The following ZDHHC1 variants were observed in gnomAD, a reference collection of about 807,000 sequenced individuals.
ZDHHC1 encodes the protein palmitoyltransferase ZDHHC1.
In ZDHHC1, 45 loss-of-function variants were observed where a neutral mutation model predicts 46.9. The ratio of observed to expected loss-of-function variants is 0.96; its 90% CI spans 0.76 to 1.23. The LOEUF (loss-of-function observed/expected upper bound fraction) is 1.23. ZDHHC1 is among the 50% of genes most tolerant of loss of function. The pLI is 0.00. For missense variants in ZDHHC1, 649 were observed against 670.8 expected (o/e 0.97, Z 0.36); for synonymous variants, 291 against 286.0 (o/e 1.02, Z -0.18).
Position 67,394,694 on chromosome 16 carries a change from C to T in ZDHHC1, c.1365G>A (p.Arg455=). 2.3e-6 allele frequency: 3 copies of T among 1,288,874 alleles called. No homozygotes were observed. The highest frequency in any genetic ancestry group is 2.4e-5 in the South Asian group (1 of 40,834). 79.8% of individuals were successfully genotyped at this position (1,288,874 alleles called of 1,614,324 possible). A position where few individuals can be genotyped will look rare whatever the true frequency, so the allele number is the denominator to read the frequency against. Residue 455 remains arginine, a synonymous_variant, in exon 12 of 12, where the codon CGG becomes CGA. Coordinates refer to ENST00000565726, the MANE Select transcript of ZDHHC1 (RefSeq NM_001323627.2). ...CGAAAACGGCGGGCGCACGCGCCTG[C>T]CGCGCCAGCGTGGGCTGTCGGCCCC... is the stretch of plus-strand genomic sequence containing the variant. ...RGRGRQPTLA[R]QARAPAVFVS...
rs745838350 is a variant in ZDHHC1 at position 67,401,040 on chromosome 16, A to C, written c.345T>G (p.Tyr115Ter). 1 of 1,614,038 alleles carries C rather than the reference A, an allele frequency of 6.2e-7. No homozygotes were observed. The highest frequency in any genetic ancestry group is 8.5e-7 in the Non-Finnish European group (1 of 1,180,046). Residue 115 changes from tyrosine (Y) to a stop codon, truncating the protein, a stop_gained, in exon 4 of 12, where the codon TAT becomes TAG. Coordinates refer to ENST00000565726, the MANE Select transcript of ZDHHC1 (RefSeq NM_001323627.2). LOFTEE classifies it high-confidence loss of function. This position sits in a 1 kb window ranked among gnomAD's most constrained non-coding sequence, Gnocchi z 4.6. ...GGTTGAAGATGGGCAGGGGCCCCGC[A>C]TAGCTCTTGTCCCGCACGTTGGCAT... The part of the protein sequence containing the change: ...PADANVRDKS[Y>*]AGPLPIFNRS...
At position 67,416,288 on chromosome 16, in the gene ZDHHC1, G is replaced by T. The variant is rs1191433266; in HGVS notation, c.-156C>A. The T allele has an allele frequency of 6.4e-6, 1 of 156,260 alleles. No homozygotes were observed. Among genetic ancestry groups the T allele is most frequent in the Non-Finnish European group, 1.4e-5 (1 of 69,832 alleles). 9.7% of individuals were successfully genotyped at this position (156,260 alleles called of 1,614,324 possible). A position where few individuals can be genotyped will look rare whatever the true frequency, so the allele number is the denominator to read the frequency against. On this transcript the variant is annotated 5_prime_UTR_variant, in exon 1 of 12. Transcript: ENST00000565726. ...CCGCGCCTCAGACCCTCGCGGTAGG[G>T]ACGGTCCCCGGGACTGGGCGGCAAC...
In ZDHHC1 at chr16:67,394,727, C is replaced by G; in HGVS notation, c.1332G>C (p.Pro444=). The G allele has an allele frequency of 7.2e-7, 1 of 1,384,038 alleles. No individual in the cohort carries two copies. 85.7% of individuals were successfully genotyped at this position (1,384,038 alleles called of 1,614,324 possible). A position where few individuals can be genotyped will look rare whatever the true frequency, so the allele number is the denominator to read the frequency against. The part of the protein sequence containing the change: ...TRLGSAALAA[P]RGRGRQPTLA... ...GCGTGGGCTGTCGGCCCCGGCCCCG[C>G]GGGGCGGCCAGAGCGGCGCTGCCCA... The change falls in exon 12 of 12, where the codon CCG becomes CCC. Residue 444 remains proline (P), a synonymous_variant. Transcript: ENST00000565726.
At chr16:67,399,018 A>G in intron 5 of ZDHHC1, 74 bp from the exon 6 acceptor site, 1 of 1,556,870 alleles carries the variant, frequency 6.4e-7, no homozygotes, top group Non-Finnish European at 8.7e-7. Context: ...TTGGGGCTGT[A>G]GGGTCATTGC....
intron 8 of ZDHHC1, 150 bp from the exon 9 acceptor site, chr16:67,395,716 T>C: frequency 1.3e-6 from 1 of 762,274 alleles, no homozygotes; most frequent in East Asian, 2.7e-5. Context: ...GAAAACCCCA[T>C]CTGTAGGGTA....
intron 1 of ZDHHC1, among the ~76,000 whole-genome samples, chr16:67,408,539 T>C (rs1374376984): frequency 6.6e-6 from 1 of 152,100 alleles, no homozygotes; most frequent in Non-Finnish European, 1.5e-5. Context: ...CAGGCTGGAG[T>C]GCCGTGGCGC....
At chr16:67,400,822 A>C in intron 4 of ZDHHC1, 135 bp downstream of exon 4, 1 of 995,630 alleles carries the variant, frequency 1.0e-6, no homozygotes, top group Non-Finnish European at 1.5e-6. Flanking sequence ...ATACTCTGTC[A>C]CGCCATCAAG....
At chr16:67,394,962 G>C in intron 11 of ZDHHC1, 40 bp downstream of exon 11, 1 of 1,579,490 alleles carries the variant, frequency 6.3e-7, no homozygotes, top group East Asian at 2.3e-5. Flanking sequence ...CCCCTCCCTC[G>C]AGTTCCCAGA....
chr16:67,395,707 A>G, intron 8 of ZDHHC1, 141 bp from the exon 9 acceptor site: 4 of 826,010 alleles, frequency 4.8e-6, no homozygotes, highest in Non-Finnish European at 7.6e-6. Flanking sequence ...CCATGCTGGG[A>G]AAACCCCATC....
Position 67,398,603 on chromosome 16 carries a change from C to T in ZDHHC1, c.784G>A (p.Gly262Arg). 6.2e-7 allele frequency: 1 copy of T among 1,605,000 alleles called. No individual in the cohort carries two copies. The highest frequency in any genetic ancestry group is 8.5e-7 in the Non-Finnish European group (1 of 1,177,006). Residue 262 changes from glycine (G) to arginine (R), a missense_variant, in exon 7 of 12, where the codon GGG becomes AGG. Coordinates refer to ENST00000565726, the MANE Select transcript of ZDHHC1 (RefSeq NM_001323627.2). ...LLGLLSTALLGHLLCFHIYLM... is the reference protein window; with the variant it reads ...LLGLLSTALLRHLLCFHIYLM... ...TAAATGTGGAAGCAGAGCAGGTGCC[C>T]CAGGAGGGCTGTGGACAGGAGGCCC...
At chr16:67,404,546 G>C in intron 3 of ZDHHC1, 1 of 380,104 alleles carries the variant, frequency 2.6e-6, no homozygotes, top group Non-Finnish European at 5.3e-6. Flanking sequence ...GCATGAACCA[G>C]GTGGTTCTGT....
intron 4 of ZDHHC1, among the ~76,000 whole-genome samples, chr16:67,400,076 C>T (rs987941896): frequency 1.3e-5 from 2 of 152,216 alleles, no homozygotes; most frequent in Non-Finnish European, 2.9e-5. Flanking sequence ...ACCCCTCCCC[C>T]AGAACAGGGC....
chr16:67,414,922 A>G lies in ZDHHC1; in HGVS notation c.-39+1249T>C, dbSNP rs540925751. Reference sequence around the variant, plus strand: ...GAGGCCAAGGTGGCTGGATCACCTGAGGTCAGGAGTTCAAGACCAGCCTGG... The same window carrying G: ...GAGGCCAAGGTGGCTGGATCACCTGGGGTCAGGAGTTCAAGACCAGCCTGG... On this transcript the variant is annotated intron_variant, in intron 1 of 11. Transcript: ENST00000565726. Among the ~76,000 whole-genome samples the G allele has an allele frequency of 2.6e-5, 4 of 152,274 alleles. No homozygotes were observed. The South Asian group carries it at 8.3e-4, about 32-fold the overall frequency.
rs2040368515 is a variant in ZDHHC1 at position 67,394,155 on chromosome 16, G to A, written c.*455C>T. Reference sequence around the variant, plus strand: ...GCCGCCACCTCCCCACGGCCTCGCAGCCTCAGCGCCCACTGCTGCTTTCGG... The same window carrying A: ...GCCGCCACCTCCCCACGGCCTCGCAACCTCAGCGCCCACTGCTGCTTTCGG... On this transcript the variant is annotated 3_prime_UTR_variant, in exon 12 of 12. Coordinates refer to ENST00000565726, the MANE Select transcript of ZDHHC1 (RefSeq NM_001323627.2). Among the ~76,000 whole-genome samples the A allele has an allele frequency of 6.6e-6, 1 of 152,230 alleles. No individual in the cohort carries two copies. The highest frequency in any genetic ancestry group is 2.4e-5 in the African/African-American group (1 of 41,468).
intron 4 of ZDHHC1, among the ~76,000 whole-genome samples, chr16:67,399,672 G>A (rs951364485): frequency 6.6e-6 from 1 of 152,180 alleles, no homozygotes; most frequent in Non-Finnish European, 1.5e-5. Flanking sequence ...GGACCCCAGA[G>A]GCCGCAGGAG....
chr16:67,399,324 C>A, intron 5 of ZDHHC1, 31 bp downstream of exon 5: 1 of 1,587,614 alleles, frequency 6.3e-7, no homozygotes, highest in East Asian at 2.2e-5. Context: ...CAGTGCATCC[C>A]CAGGCCCGCG....
At chr16:67,410,644 AATT>A (rs58905759) in intron 1 of ZDHHC1, among the ~76,000 whole-genome samples, 29,425 of 147,576 alleles carry the variant, frequency 0.2, 5,704 homozygotes, top group African/African-American at 0.51. Flanking sequence ...TACCTTAATT[AATT>A]ATTATTATTA....
In ZDHHC1 at chr16:67,401,191, C is replaced by T; in HGVS notation, c.253-59G>A. On this transcript the variant is annotated intron_variant, in intron 3 of 11. Transcript: ENST00000565726. This position sits in a 1 kb window ranked among gnomAD's most constrained non-coding sequence, Gnocchi z 4.6. ...GCCGGCTGGGAGTCCTGCCCCGTTC[C>T]TTGCAGCCAGAGAACTCCCCACTGC... is the stretch of plus-strand genomic sequence containing the variant. 1 of 1,584,042 alleles carries T rather than the reference C, an allele frequency of 6.3e-7. No homozygotes were observed. The highest frequency in any genetic ancestry group is 1.2e-5 in the South Asian group (1 of 86,238).
chr16:67,401,648 C>T lies in ZDHHC1; in HGVS notation c.253-516G>A, dbSNP rs2040555293. 6.6e-6 allele frequency among the ~76,000 whole-genome samples: 1 copy of T among 152,196 alleles called. No individual in the cohort carries two copies. The highest frequency in any genetic ancestry group is 2.4e-5 in the African/African-American group (1 of 41,444). Reference sequence around the variant, plus strand: ...CCAGATGGAGAACCCCTTGCAGACACGGATTCGGACACTTGCTACCTCCCC... The same window carrying T: ...CCAGATGGAGAACCCCTTGCAGACATGGATTCGGACACTTGCTACCTCCCC... On this transcript the variant is annotated intron_variant, in intron 3 of 11. Transcript: ENST00000565726. The surrounding 1 kb of genome is among the most constrained non-coding windows in gnomAD (Gnocchi z 4.6).
Sources: allele counts gnomAD v4.1 joint callset (sites outside exome capture counted in the v4.1 genomes callset), GRCh38; gene constraint gnomAD v4.1.1; non-coding constraint Gnocchi (gnomAD v3.1); transcripts MANE v1.5; gene names NCBI Gene and HGNC (gene_info 2026-07-23, HGNC 2026-07-21).